The following GRHL1 variants were observed in gnomAD, a reference collection of about 807,000 sequenced individuals.
GRHL1 encodes grainyhead-like protein 1 homolog.
A neutral mutation model predicts 75.7 loss-of-function variants in GRHL1; 38 were observed. The ratio of observed to expected loss-of-function variants is 0.50; its 90% CI spans 0.39 to 0.66. The LOEUF (loss-of-function observed/expected upper bound fraction) is 0.66. Among genes scored for constraint, GRHL1 ranks in the 30% least tolerant of loss-of-function variants. The pLI, the probability that GRHL1 is intolerant of heterozygous loss-of-function variation, is 0.00. For synonymous variants in GRHL1, 266 were observed against 279.4 expected, an observed-to-expected ratio of 0.95 and a Z score of 0.48; for missense variants, 589 against 767.5, an observed-to-expected ratio of 0.77 and a Z score of 2.75.
chr2:9,996,989 G>A (rs1203824215), intron 14 of GRHL1, among the ~76,000 whole-genome samples: 1 of 152,138 alleles, frequency 6.6e-6, no homozygotes, highest in Non-Finnish European at 1.5e-5. Context: ...TTCCAGCTGT[G>A]CACTGGAAAA....
At chr2:9,964,376 C>T (rs777655262) in intron 7 of GRHL1, 30 bp downstream of exon 7, 9 of 1,146,312 alleles carry the variant, frequency 7.9e-6, no homozygotes, top group Non-Finnish European at 9.1e-6. Flanking sequence ...GCTTTTATTC[C>T]CAGAGGTGCA....
intron 8 of GRHL1, among the ~76,000 whole-genome samples, chr2:9,971,764 T>C (rs935098948): frequency 1.3e-5 from 2 of 152,240 alleles, no homozygotes; most frequent in Non-Finnish European, 2.9e-5. Context: ...ACTTCCTTGA[T>C]TGGAAATTTG....
At chr2:9,986,445 TCTCC>T in intron 9 of GRHL1, among the ~76,000 whole-genome samples, 163 bp downstream of exon 9, 1 of 152,112 alleles carries the variant, frequency 6.6e-6, no homozygotes, top group East Asian at 1.9e-4. Context: ...TGAGACAGAG[TCTCC>T]CTCTGTCTCC....
At chr2:9,971,295 C>T (rs1174781499) in intron 8 of GRHL1, among the ~76,000 whole-genome samples, 1 of 152,106 alleles carries the variant, frequency 6.6e-6, no homozygotes, top group Admixed American at 6.5e-5. Context: ...TGGTTTGTTT[C>T]ACAACTTTAA....
intron 7 of GRHL1, chr2:9,964,834 A>G (rs1667422274): frequency 5.9e-6 from 1 of 168,712 alleles, no homozygotes. Flanking sequence ...TTACTGAAGT[A>G]GCGTTACACA....
chr2:9,981,708 T>C (rs1290489456), intron 8 of GRHL1, among the ~76,000 whole-genome samples: 2 of 152,278 alleles, frequency 1.3e-5, no homozygotes, highest in Non-Finnish European at 2.9e-5. Context: ...ATCTACATTT[T>C]ATTTATTCTT....
intron 1 of GRHL1, among the ~76,000 whole-genome samples, chr2:9,952,631 G>T (rs1162101418): frequency 1.3e-5 from 2 of 152,178 alleles, no homozygotes; most frequent in African/African-American, 4.8e-5. Flanking sequence ...TAAGGCATGG[G>T]GGATTAACTG....
At chr2:9,959,507 G>A (rs891939463) in intron 3 of GRHL1, 2 of 152,154 alleles carry the variant, frequency 1.3e-5, no homozygotes, top group Non-Finnish European at 1.5e-5. Context: ...TTCACAGATA[G>A]GATTTGGTAG....
At position 9,990,659 on chromosome 2, in the gene GRHL1, A is replaced by G. The variant is rs1668599120; in HGVS notation, c.1270-37A>G. 1 of 1,361,106 alleles carries G rather than the reference A, an allele frequency of 7.3e-7. No homozygotes were observed. Among genetic ancestry groups the G allele is most frequent in the Admixed American group, 2.0e-5 (1 of 50,264 alleles). The allele number at this position is 1,361,106 out of a possible 1,614,324, so 84.3% of individuals were successfully genotyped here. A position where few individuals can be genotyped will look rare whatever the true frequency, so the allele number is the denominator to read the frequency against. On this transcript the variant is annotated intron_variant, in intron 9 of 15. Transcript: ENST00000324907. The surrounding 1 kb of genome is among the most constrained non-coding windows in gnomAD (Gnocchi z 4.2). ...AGTTAAATATTTTAAAGAAGATTGG[A>G]AAACAGAATCATATCTTGTCTTCTC...
Position 9,968,472 on chromosome 2 carries a change from T to G in GRHL1, c.1110+3091T>G, listed in dbSNP as rs894610626. On this transcript the variant is annotated intron_variant, in intron 8 of 15. Coordinates refer to ENST00000324907, the MANE Select transcript of GRHL1 (RefSeq NM_198182.3). The surrounding 1 kb of genome is among the most constrained non-coding windows in gnomAD (Gnocchi z 4.7). ...TGTTTGGGTAGTTAAGAGTCAGAGG[T>G]CTCTGGACAGGTTAAAGGCCATGAG... 1.3e-5 allele frequency among the ~76,000 whole-genome samples: 2 copies of G among 152,186 alleles called. No homozygotes were observed. Among genetic ancestry groups the G allele is most frequent in the Non-Finnish European group, 2.9e-5 (2 of 68,028 alleles).
chr2:9,965,458 T>TA, intron 8 of GRHL1, 77 bp downstream of exon 8: 1 of 791,192 alleles, frequency 1.3e-6, no homozygotes, highest in Non-Finnish European at 2.2e-6. Flanking sequence ...ACAACTGATT[T>TA]TTTTTTTTTT....
chr2:9,961,515 A>C (rs1558292915), intron 4 of GRHL1, 79 bp downstream of exon 4: 21 of 1,342,496 alleles, frequency 1.6e-5, no homozygotes, highest in Non-Finnish European at 2.1e-5. Context: ...TTGTTATGTA[A>C]GCATGAAACT....
rs992793075 is a variant in GRHL1 at position 9,990,889 on chromosome 2, C to T, written c.1321+142C>T. The T allele has an allele frequency of 5.3e-5, 32 of 607,770 alleles. No homozygotes were observed. Among genetic ancestry groups the T allele is most frequent in the South Asian group, 4.8e-4 (21 of 44,192 alleles). 37.6% of individuals were successfully genotyped at this position (607,770 alleles called of 1,614,324 possible). The stretch of plus-strand genomic sequence containing the variant: ...GTGTTCTTCCTGTTCTGCAGTGTGG[C>T]ACTGCCTCTTCCTCAGATCAGCAGC... On this transcript the variant is annotated intron_variant, in intron 10 of 15. Coordinates refer to ENST00000324907, the MANE Select transcript of GRHL1 (RefSeq NM_198182.3). The surrounding 1 kb of genome is among the most constrained non-coding windows in gnomAD (Gnocchi z 4.2).
At position 9,951,810 on chromosome 2, in the gene GRHL1, G is replaced by T; in HGVS notation, c.-24G>T. The T allele has an allele frequency of 6.5e-7, 1 of 1,529,244 alleles. No homozygotes were observed. The highest frequency in any genetic ancestry group is 8.8e-7 in the Non-Finnish European group (1 of 1,137,192). The allele number at this position is 1,529,244 out of a possible 1,614,324, so 94.7% of individuals were successfully genotyped here. A position where few individuals can be genotyped will look rare whatever the true frequency, so the allele number is the denominator to read the frequency against. On this transcript the variant is annotated 5_prime_UTR_variant, in exon 1 of 16. Transcript: ENST00000324907. This position sits in a 1 kb window ranked among gnomAD's most constrained non-coding sequence, Gnocchi z 4.2. ...CCCAACCCGAAAGTCCAGTTCTGCG[G>T]CCCGGCAGCGGCGAGCGGGCGCGAT...
intron 8 of GRHL1, among the ~76,000 whole-genome samples, chr2:9,972,466 G>A (rs1667768547): frequency 2.6e-5 from 4 of 151,844 alleles, no homozygotes; most frequent in Admixed American, 2.6e-4. Flanking sequence ...AAGGCGGCAT[G>A]GGGGCTTGGA....
intron 8 of GRHL1, among the ~76,000 whole-genome samples, chr2:9,977,446 G>A (rs112086190): frequency 0.046 from 6,960 of 152,202 alleles, 180 homozygotes; most frequent in Middle Eastern, 0.11. Context: ...TCAGCCTCCC[G>A]ACTAACTGGG....
chr2:9,979,967 T>G (rs184394469), intron 8 of GRHL1, among the ~76,000 whole-genome samples: 4 of 152,368 alleles, frequency 2.6e-5, no homozygotes, highest in African/African-American at 9.6e-5. Context: ...TTCACGTTCC[T>G]GACTACTCTC....
intron 8 of GRHL1, among the ~76,000 whole-genome samples, chr2:9,978,948 G>A (rs974085238): frequency 6.6e-6 from 1 of 151,720 alleles, no homozygotes; most frequent in Non-Finnish European, 1.5e-5. Flanking sequence ...CTGAGATCGC[G>A]CCATTGCACT....
rs760224506 is a variant in GRHL1 at position 9,990,816 on chromosome 2, C to G, written c.1321+69C>G. The G allele has an allele frequency of 7.8e-7, 1 of 1,287,070 alleles. No homozygotes were observed. The highest frequency in any genetic ancestry group is 1.3e-5 in the South Asian group (1 of 79,804). The allele number at this position is 1,287,070 out of a possible 1,614,324, so 79.7% of individuals were successfully genotyped here. A position where few individuals can be genotyped will look rare whatever the true frequency, so the allele number is the denominator to read the frequency against. ...GAAATGTTCCCGGCAAGCTTCAGAC[C>G]TTTTCCATTGAGAATGGTGGCTGGA... is the stretch of plus-strand genomic sequence containing the variant. On this transcript the variant is annotated intron_variant, in intron 10 of 15. Transcript: ENST00000324907. The surrounding 1 kb of genome is among the most constrained non-coding windows in gnomAD (Gnocchi z 4.2).
Sources: allele counts gnomAD v4.1 joint callset (sites outside exome capture counted in the v4.1 genomes callset), GRCh38; gene constraint gnomAD v4.1.1; non-coding constraint Gnocchi (gnomAD v3.1); transcripts MANE v1.5; gene names NCBI Gene and HGNC (gene_info 2026-07-23, HGNC 2026-07-21).